Variants in BYSL observed in about 807,000 individuals in gnomAD.
The protein encoded by BYSL is bystin like, also known as bystin.
In BYSL, 21 loss-of-function variants were observed where a neutral mutation model predicts 45.4. The ratio of observed to expected loss-of-function variants is 0.46; its 90% CI spans 0.33 to 0.67. BYSL has a LOEUF of 0.67. Among genes scored for constraint, BYSL ranks in the 30% least tolerant of loss-of-function variants. BYSL has a pLI of 0.02. For synonymous variants in BYSL, 215 were observed against 231.3 expected (o/e 0.93, Z 0.64); for missense variants, 522 against 578.5 (o/e 0.90, Z 1.00).
intron 1 of BYSL, among the ~76,000 whole-genome samples, chr6:41,925,459 G>A (rs892330570): frequency 6.6e-6 from 1 of 150,902 alleles, no homozygotes; most frequent in African/African-American, 2.4e-5. Context: ...CGCCTCCCGG[G>A]TTCACACCAT....
intron 5 of BYSL, 26 bp downstream of exon 5, chr6:41,931,582 A>G (rs1775640394): frequency 6.2e-7 from 1 of 1,614,104 alleles, no homozygotes; most frequent in Non-Finnish European, 8.5e-7. Flanking sequence ...CACGGAAGAA[A>G]GGGAAGGGCT....
intron 2 of BYSL, among the ~76,000 whole-genome samples, chr6:41,929,520 T>G (rs1354035131): frequency 2.6e-5 from 4 of 152,070 alleles, no homozygotes; most frequent in Non-Finnish European, 5.9e-5. Context: ...TAAATACACT[T>G]CAGCAGCCTC....
Position 41,931,461 on chromosome 6 carries a change from G to A in BYSL, c.770G>A (p.Arg257Gln), listed in dbSNP as rs758084315. Reference sequence around the variant, plus strand: ...TTCTACAACCTTGTCCTGCTCCCTCGAGTACGAGATGACGTTGCTGAATAC... The same window carrying A: ...TTCTACAACCTTGTCCTGCTCCCTCAAGTACGAGATGACGTTGCTGAATAC... ...QRFYNLVLLPRVRDDVAEYKR... is the reference protein window; with the variant it reads ...QRFYNLVLLPQVRDDVAEYKR... The change falls in exon 5 of 7, where the codon CGA becomes CAA. Residue 257 changes from arginine to glutamine, a missense_variant. Arg to Gln is a conservative substitution (Grantham distance 43, BLOSUM62 1). Coordinates refer to ENST00000230340, the MANE Select transcript of BYSL (RefSeq NM_004053.4). The A allele has an allele frequency of 3.1e-6, 5 of 1,613,890 alleles. No individual in the cohort carries two copies. The highest frequency in any genetic ancestry group is 1.3e-5 in the African/African-American group (1 of 74,884).
At chr6:41,923,101 C>T (rs1285724927) in intron 1 of BYSL, among the ~76,000 whole-genome samples, 1 of 151,774 alleles carries the variant, frequency 6.6e-6, no homozygotes, top group African/African-American at 2.4e-5. Flanking sequence ...ATCACAGTAG[C>T]CTCCTCGTTA....
At chr6:41,913,669 G>T in the BYSL span, among the ~76,000 whole-genome samples, 1 of 152,196 alleles carries the variant, frequency 6.6e-6, no homozygotes, top group Non-Finnish European at 1.5e-5. Flanking sequence ...GGAGGCCAAG[G>T]TGGGCGGATC....
intron 1 of BYSL, among the ~76,000 whole-genome samples, chr6:41,925,211 C>T (rs943365410): frequency 6.6e-6 from 1 of 152,034 alleles, no homozygotes; most frequent in African/African-American, 2.4e-5. Context: ...ATGTCTGTTC[C>T]CCCTTATTTA....
intron 1 of BYSL, among the ~76,000 whole-genome samples, chr6:41,922,183 A>G (rs1456255187): frequency 6.6e-6 from 1 of 152,168 alleles, no homozygotes; most frequent in African/African-American, 2.4e-5. Context: ...GGCACGTCTA[A>G]CTTAAGGACC....
In BYSL at chr6:41,931,564, C is replaced by G. The variant is rs752256977; in HGVS notation, c.865+8C>G. The G allele has an allele frequency of 6.2e-7, 1 of 1,613,994 alleles. No homozygotes were observed. Among genetic ancestry groups the G allele is most frequent in the Non-Finnish European group, 8.5e-7 (1 of 1,180,016 alleles). On this transcript the variant is annotated splice_region_variant and intron_variant, in intron 5 of 6. Coordinates refer to ENST00000230340, the MANE Select transcript of BYSL (RefSeq NM_004053.4). Reference sequence around the variant, plus strand: ...CTGGAGCCTGGTTCAAAGGTGGGATCCCAGAGGCACGGAAGAAAGGGAAGG... The same window carrying G: ...CTGGAGCCTGGTTCAAAGGTGGGATGCCAGAGGCACGGAAGAAAGGGAAGG...
chr6:41,919,128 CAAA>C (rs35512146), upstream of BYSL, among the ~76,000 whole-genome samples: 1 of 44,884 alleles, frequency 2.2e-5, no homozygotes, highest in Non-Finnish European at 4.4e-5. Context: ...GACTCTGCCT[CAAA>C]AAAAAAAAAA....
chr6:41,915,647 C>T, the BYSL span, among the ~76,000 whole-genome samples: 4 of 152,182 alleles, frequency 2.6e-5, no homozygotes, highest in Admixed American at 6.5e-5. Context: ...ATTAGCCCAG[C>T]GTAGTGGCAG....
At chr6:41,911,470 T>C in the BYSL span, among the ~76,000 whole-genome samples, 1 of 152,056 alleles carries the variant, frequency 6.6e-6, no homozygotes, top group African/African-American at 2.4e-5. Flanking sequence ...TAAAAACTTT[T>C]TGAAAGACCA....
rs759887573 is a variant in BYSL at position 41,921,595 on chromosome 6, G to A, written c.33G>A (p.Gly11=). 1 of 1,597,298 alleles carries A rather than the reference G, an allele frequency of 6.3e-7. No homozygotes were observed. Among genetic ancestry groups the A allele is most frequent in the Non-Finnish European group, 8.5e-7 (1 of 1,169,634 alleles). Residue 11 remains glycine (G), a synonymous_variant, in exon 1 of 7, where the codon GGG becomes GGA. Transcript: ENST00000230340. MPKFKAARGV[G]GQEKHAPLAD... ...AATTCAAGGCGGCCCGTGGGGTGGGGGGTCAGGAAAAACATGCGCCCCTGG... is the reference window on the plus strand; with the variant it reads ...AATTCAAGGCGGCCCGTGGGGTGGGAGGTCAGGAAAAACATGCGCCCCTGG...
In BYSL at chr6:41,932,890, C is replaced by G; in HGVS notation, c.*184C>G. On this transcript the variant is annotated 3_prime_UTR_variant, in exon 7 of 7. Coordinates refer to ENST00000230340, the MANE Select transcript of BYSL (RefSeq NM_004053.4). The surrounding 1 kb of genome is among the most constrained non-coding windows in gnomAD (Gnocchi z 4.7). ...CTGAGGGTCTGGCTGGTTCCCTCTT[C>G]CATTCTAGGCCCTTATCCCTGTTTA... 1.5e-6 allele frequency: 1 copy of G among 652,082 alleles called. No homozygotes were observed. Among genetic ancestry groups the G allele is most frequent in the South Asian group, 2.0e-5 (1 of 49,568 alleles). 40.4% of individuals were successfully genotyped at this position (652,082 alleles called of 1,614,324 possible).
Position 41,932,307 on chromosome 6 carries a change from T to C in BYSL, c.969-54T>C. 1 of 1,510,764 alleles carries C rather than the reference T, an allele frequency of 6.6e-7. No homozygotes were observed. Among genetic ancestry groups the C allele is most frequent in the Non-Finnish European group, 9.0e-7 (1 of 1,106,778 alleles). The allele number at this position is 1,510,764 out of a possible 1,614,324, so 93.6% of individuals were successfully genotyped here. On this transcript the variant is annotated intron_variant, in intron 6 of 6. Transcript: ENST00000230340. The surrounding 1 kb of genome is among the most constrained non-coding windows in gnomAD (Gnocchi z 4.7). ...GGAAAGCATAGAGGGAGAAGTAGGA[T>C]CCTTCTTCCAATGTTTTCCCTGCTT...
the BYSL span, chr6:41,909,027 A>AAC: frequency 5.7e-6 from 3 of 530,906 alleles, no homozygotes; most frequent in East Asian, 8.8e-5. Context: ...TACTAAAAAA[A>AAC]AAAAAAAATT....
At chr6:41,919,107 C>A (rs1393180277), upstream of BYSL, among the ~76,000 whole-genome samples, 1 of 119,976 alleles carries the variant, frequency 8.3e-6, no homozygotes, top group African/African-American at 3.4e-5. Flanking sequence ...CCAGCCTGGG[C>A]AACAGAGTGA....
intron 1 of BYSL, among the ~76,000 whole-genome samples, chr6:41,926,319 T>C (rs538141476): frequency 2.0e-5 from 3 of 152,354 alleles, no homozygotes; most frequent in African/African-American, 7.2e-5. Flanking sequence ...CTTGGGCAAA[T>C]TACCCAACTT....
chr6:41,930,442 C>T (rs1290692464), intron 3 of BYSL, 172 bp downstream of exon 3: 2 of 1,206,928 alleles, frequency 1.7e-6, no homozygotes, highest in Non-Finnish European at 2.3e-6. Flanking sequence ...CTGTAAATGA[C>T]TTGGCATCCT....
upstream of BYSL, chr6:41,921,099 C>T: frequency 6.4e-7 from 1 of 1,559,058 alleles, no homozygotes; most frequent in Non-Finnish European, 8.8e-7. Flanking sequence ...CCTTCAGTTC[C>T]CCAACACAAC....
Sources: gnomAD v4.1 joint callset for allele counts (sites outside exome capture counted in the v4.1 genomes callset) on GRCh38, gnomAD v4.1.1 for gene constraint, Gnocchi (gnomAD v3.1) non-coding constraint, MANE v1.5 for transcripts, NCBI Gene and HGNC (gene_info 2026-07-23, HGNC 2026-07-21) for gene names.